Variants in RNF123 observed in about 807,000 individuals in gnomAD.
RNF123 encodes the protein E3 ubiquitin-protein ligase RNF123.
In RNF123, 86 loss-of-function variants were observed where a neutral mutation model predicts 168.5. The ratio of observed to expected loss-of-function variants is 0.51; its 90% CI spans 0.43 to 0.61. RNF123 has a LOEUF of 0.61. Ranked by LOEUF, RNF123 falls within the 20% of genes least tolerant of loss-of-function variation. The pLI is 0.00. For missense variants in RNF123, 1,419 were observed against 1,729.7 expected (o/e 0.82, Z 3.19); for synonymous variants, 666 against 689.1 (o/e 0.97, Z 0.52).
At position 49,721,114 on chromosome 3, in the gene RNF123, G is replaced by A; in HGVS notation, c.3824+9G>A. The A allele has an allele frequency of 6.2e-7, 1 of 1,613,946 alleles. No individual in the cohort carries two copies. Among genetic ancestry groups the A allele is most frequent in the Non-Finnish European group, 8.5e-7 (1 of 1,179,874 alleles). ...GGCCACAAGTCCTGCAAGTAAGTGG[G>A]CCCCACAGCTTGGTGGTGGGGAGAG... On this transcript the variant is annotated intron_variant, in intron 38 of 38. Transcript: ENST00000327697.
intron 3 of RNF123, among the ~76,000 whole-genome samples, chr3:49,696,732 C>G (rs964479323): frequency 2.0e-5 from 3 of 150,982 alleles, no homozygotes; most frequent in African/African-American, 4.9e-5. Flanking sequence ...ACAACCTCTG[C>G]CCCACCAAGG....
At chr3:49,702,186 G>T in intron 18 of RNF123, 42 bp downstream of exon 18, 1 of 1,605,148 alleles carries the variant, frequency 6.2e-7, no homozygotes, top group South Asian at 1.1e-5. Context: ...CCTGTGGGGA[G>T]GGATGCTGCA....
Position 49,700,710 on chromosome 3 carries a change from G to C in RNF123, c.1277+1G>C. ...GCAAGTTTCTGCTTAGCAATGTCCTGTATCCTTTCCTTGCTGCCTGGCAGG... is the reference window on the plus strand; with the variant it reads ...GCAAGTTTCTGCTTAGCAATGTCCTCTATCCTTTCCTTGCTGCCTGGCAGG... On this transcript the variant is annotated splice_donor_variant, in intron 15 of 38. Coordinates refer to ENST00000327697, the MANE Select transcript of RNF123 (RefSeq NM_022064.5). LOFTEE classifies it high-confidence loss of function. 1 of 1,614,140 alleles carries C rather than the reference G, an allele frequency of 6.2e-7. No homozygotes were observed. The highest frequency in any genetic ancestry group is 8.5e-7 in the Non-Finnish European group (1 of 1,180,032).
At chr3:49,715,475 C>A in intron 31 of RNF123, 100 bp from the exon 32 acceptor site, 1 of 1,438,238 alleles carries the variant, frequency 7.0e-7, no homozygotes, top group East Asian at 2.3e-5. Flanking sequence ...AGCCATCTTT[C>A]TGTCCTTATA....
chr3:49,720,957 A>C, intron 37 of RNF123, 63 bp downstream of exon 37: 1 of 1,607,972 alleles, frequency 6.2e-7, no homozygotes, highest in Non-Finnish European at 8.5e-7. Context: ...CTACACAGGC[A>C]CAACGGACAT....
chr3:49,700,836 C>T (rs2054367812), intron 15 of RNF123, 127 bp downstream of exon 15: 18 of 988,510 alleles, frequency 1.8e-5, no homozygotes, highest in African/African-American at 1.1e-4. Flanking sequence ...AGCTGCCCAA[C>T]GTGGCATTTT....
chr3:49,704,133 A>G (rs2054465112), intron 21 of RNF123, among the ~76,000 whole-genome samples: 2 of 152,150 alleles, frequency 1.3e-5, no homozygotes, highest in Admixed American at 6.5e-5. Context: ...GTTTGGACAC[A>G]GCGCGTTTAG....
At chr3:49,716,291 C>A in intron 34 of RNF123, 102 bp from the exon 35 acceptor site, 2 of 1,541,610 alleles carry the variant, frequency 1.3e-6, no homozygotes, top group Non-Finnish European at 1.8e-6. Flanking sequence ...TGGTGCTCTG[C>A]AGTCTCGGCT....
chr3:49,705,282 C>A, intron 23 of RNF123, 100 bp downstream of exon 23: 2 of 1,397,844 alleles, frequency 1.4e-6, no homozygotes, highest in South Asian at 1.4e-5. Flanking sequence ...GCCCTCCCAG[C>A]CCTGTGGCCT....
chr3:49,706,110 A>G (rs758075342), intron 25 of RNF123, 45 bp downstream of exon 25: 2 of 1,529,336 alleles, frequency 1.3e-6, no homozygotes, highest in Non-Finnish European at 9.1e-7. Context: ...GCTTACTCGT[A>G]CAGGTAACCA....
intron 5 of RNF123, 139 bp from the exon 6 acceptor site, chr3:49,697,746 C>A: frequency 9.8e-7 from 1 of 1,024,904 alleles, no homozygotes; most frequent in Non-Finnish European, 1.5e-6. Flanking sequence ...CCGCTCCCAC[C>A]GTCCTCAGGC....
At chr3:49,714,770 G>A (rs921800515) in intron 31 of RNF123, among the ~76,000 whole-genome samples, 5 of 152,262 alleles carry the variant, frequency 3.3e-5, no homozygotes, top group African/African-American at 7.2e-5. Context: ...CCCTTGCAGA[G>A]TGCCAGGTGT....
At chr3:49,702,952 AT>A (rs938695324) in intron 20 of RNF123, among the ~76,000 whole-genome samples, 199 bp downstream of exon 20, 57 of 152,038 alleles carry the variant, frequency 3.7e-4, no homozygotes, top group Non-Finnish European at 1.0e-4. Context: ...AGGCCTGCCG[AT>A]CCTGTGTTTG....
At position 49,706,907 on chromosome 3, in the gene RNF123, G is replaced by A. The variant is rs746222735; in HGVS notation, c.2496+9G>A. On this transcript the variant is annotated intron_variant, in intron 26 of 38. Coordinates refer to ENST00000327697, the MANE Select transcript of RNF123 (RefSeq NM_022064.5). Reference sequence around the variant, plus strand: ...CCACTGTCTACTCCCAGGTGTGCTGGTATTGCAGCTGCCCCTTCCCGACCT... The same window carrying A: ...CCACTGTCTACTCCCAGGTGTGCTGATATTGCAGCTGCCCCTTCCCGACCT... The A allele has an allele frequency of 2.5e-6, 4 of 1,611,662 alleles. No individual in the cohort carries two copies. The highest frequency in any genetic ancestry group is 8.5e-7 in the Non-Finnish European group (1 of 1,177,774).
chr3:49,719,948 C>T (rs1455467485), intron 35 of RNF123: 1 of 168,468 alleles, frequency 5.9e-6, no homozygotes, highest in African/African-American at 2.4e-5. Flanking sequence ...TTTGAAGTGA[C>T]TTTGAAGGAC....
At chr3:49,718,239 G>T (rs745677447) in intron 35 of RNF123, 1 of 1,611,810 alleles carries the variant, frequency 6.2e-7, no homozygotes, top group Admixed American at 1.7e-5. Context: ...CACGGCGGCA[G>T]CAGCGGCAGG....
chr3:49,698,578 T>G, intron 8 of RNF123, 52 bp downstream of exon 8: 1 of 1,596,288 alleles, frequency 6.3e-7, no homozygotes, highest in Non-Finnish European at 8.6e-7. Flanking sequence ...TACTACAGCT[T>G]ATTTGGAGCC....
chr3:49,696,504 G>A (rs1236852110), intron 3 of RNF123, among the ~76,000 whole-genome samples: 1 of 151,948 alleles, frequency 6.6e-6, no homozygotes, highest in African/African-American at 2.4e-5. Flanking sequence ...ACATGCCACC[G>A]CGCCCAGCAT....
intron 20 of RNF123, among the ~76,000 whole-genome samples, 186 bp downstream of exon 20, chr3:49,702,939 C>T (rs1463584293): frequency 2.6e-5 from 4 of 152,184 alleles, no homozygotes; most frequent in Non-Finnish European, 5.9e-5. Context: ...AGCCCTGCAC[C>T]GCAGGCCTGC....
Sources: gnomAD v4.1 joint callset for allele counts (sites outside exome capture counted in the v4.1 genomes callset) on GRCh38, gnomAD v4.1.1 for gene constraint, MANE v1.5 for transcripts, NCBI Gene and HGNC (gene_info 2026-07-23, HGNC 2026-07-21) for gene names.